The following TK2 variants were observed in gnomAD, a reference collection of about 807,000 sequenced individuals.
TK2 encodes thymidine kinase 2, mitochondrial.
In TK2, 35 loss-of-function variants were observed where a neutral mutation model predicts 41.9. The ratio of observed to expected loss-of-function variants is 0.84; its 90% CI spans 0.64 to 1.11. The LOEUF (loss-of-function observed/expected upper bound fraction) is 1.11, where lower values mean the gene tolerates loss of function less well. Among genes scored for constraint, TK2 ranks in the 50% least tolerant of loss-of-function variants. TK2 has a pLI of 0.00. For missense variants in TK2, 320 were observed against 351.1 expected (o/e 0.91, Z 0.71); for synonymous variants, 128 against 129.1 (o/e 0.99, Z 0.06).
At chr16:66,518,927 G>C (rs1020522675) in intron 6 of TK2, among the ~76,000 whole-genome samples, 27 of 151,884 alleles carry the variant, frequency 1.8e-4, no homozygotes, top group African/African-American at 6.5e-4. Flanking sequence ...AGTGGGAGTT[G>C]GGGAGCATTA....
chr16:66,531,205 G>A (rs1319345222), intron 5 of TK2, among the ~76,000 whole-genome samples, 175 bp downstream of exon 5: 2 of 152,226 alleles, frequency 1.3e-5, no homozygotes, highest in Non-Finnish European at 2.9e-5. Context: ...GGGGGCACTA[G>A]AGGCAGGTCA....
chr16:66,511,989 C>A lies in TK2; in HGVS notation c.777G>T (p.Glu259Asp). The change falls in exon 10 of 10, where the codon GAG (glutamate) becomes GAT (aspartate). Residue 259 changes from glutamate to aspartate, a missense_variant. Physicochemically the swap from Glu to Asp is conservative, Grantham distance 45. Coordinates refer to ENST00000544898, the MANE Select transcript of TK2 (RefSeq NM_004614.5). ...EQNRDRILTP[E>D]NRKHCP ...CCTCCTATGGGCAATGCTTCCGATT[C>A]TCTGGAGTTAATATTCGATCCCGAT... 6.2e-7 allele frequency: 1 copy of A among 1,614,218 alleles called. No homozygotes were observed. Among genetic ancestry groups the A allele is most frequent in the Middle Eastern group, 1.6e-4 (1 of 6,062 alleles).
chr16:66,540,611 A>G (rs1965430819), intron 3 of TK2, among the ~76,000 whole-genome samples: 1 of 152,272 alleles, frequency 6.6e-6, no homozygotes, highest in Admixed American at 6.5e-5. Flanking sequence ...ACTAAAATCT[A>G]GAACAAGGAA....
intron 5 of TK2, among the ~76,000 whole-genome samples, chr16:66,530,469 G>T (rs1312459736): frequency 6.6e-6 from 1 of 152,198 alleles, no homozygotes; most frequent in Non-Finnish European, 1.5e-5. Context: ...TTGGGGTCCT[G>T]TCCCCAACAC....
At chr16:66,531,563 A>G in intron 4 of TK2, 94 bp from the exon 5 acceptor site, 1 of 1,214,768 alleles carries the variant, frequency 8.2e-7, no homozygotes, top group Non-Finnish European at 1.2e-6. Flanking sequence ...CAAGAAACCT[A>G]CACAGGCAGG....
intron 3 of TK2, 29 bp from the exon 4 acceptor site, chr16:66,537,046 T>C (rs370343284): frequency 2.7e-5 from 43 of 1,613,208 alleles, no homozygotes; most frequent in Non-Finnish European, 3.5e-5. Context: ...TCAGAGCTAC[T>C]GTTTCTCTGT....
At chr16:66,540,457 GCCA>G (rs1965425724) in intron 3 of TK2, among the ~76,000 whole-genome samples, 1 of 152,032 alleles carries the variant, frequency 6.6e-6, no homozygotes, top group African/African-American at 2.4e-5. Context: ...ACAGGCATCA[GCCA>G]CCACACCTGG....
intron 3 of TK2, among the ~76,000 whole-genome samples, chr16:66,539,757 G>A (rs577454092): frequency 1.8e-4 from 27 of 152,280 alleles, no homozygotes; most frequent in African/African-American, 5.3e-4. Flanking sequence ...CAGGCAACAA[G>A]ATGTGACAAT....
At chr16:66,548,953 G>C (rs200322538) in intron 2 of TK2, 25 bp downstream of exon 2, 196 of 1,604,734 alleles carry the variant, frequency 1.2e-4, no homozygotes, top group Non-Finnish European at 1.5e-4. Flanking sequence ...TTATCCTAGA[G>C]AGTACACATA....
At chr16:66,533,785 A>G (rs915265785) in intron 4 of TK2, among the ~76,000 whole-genome samples, 1 of 151,954 alleles carries the variant, frequency 6.6e-6, no homozygotes, top group Admixed American at 6.6e-5. Flanking sequence ...AGGTGCGCGG[A>G]TCACGAGGTC....
intron 8 of TK2, among the ~76,000 whole-genome samples, chr16:66,516,698 C>T (rs1964625033): frequency 2.0e-5 from 3 of 152,140 alleles, no homozygotes; most frequent in Admixed American, 1.3e-4. Context: ...GCATGAGCAC[C>T]GCCTCCGTGC....
At chr16:66,522,967 G>A (rs1045267956) in intron 6 of TK2, among the ~76,000 whole-genome samples, 17 of 152,214 alleles carry the variant, frequency 1.1e-4, no homozygotes, top group Non-Finnish European at 1.9e-4. Flanking sequence ...TGGCATAACT[G>A]CAGTTACATT....
upstream of TK2, chr16:66,550,140 G>C (rs761645441): frequency 1.9e-5 from 30 of 1,612,432 alleles, no homozygotes; most frequent in East Asian, 6.2e-4. Context: ...CAGCCGTTGG[G>C]CGCCGCCTGG....
Position 66,511,364 on chromosome 16 carries a change from T to A in TK2, c.*604A>T, listed in dbSNP as rs995825384. On this transcript the variant is annotated 3_prime_UTR_variant, in exon 10 of 10. Transcript: ENST00000544898. ...GAACTGCTCAATATTGGGAAAATGT[T>A]ATCAGCTCCGCACACTGCCAGCTCT... The A allele has an allele frequency of 6.0e-6, 1 of 166,324 alleles. No homozygotes were observed. Among genetic ancestry groups the A allele is most frequent in the Admixed American group, 5.6e-5 (1 of 17,840 alleles). 10.3% of individuals were successfully genotyped at this position (166,324 alleles called of 1,614,324 possible).
Position 66,517,374 on chromosome 16 carries a change from T to C in TK2, c.539-159A>G, listed in dbSNP as rs1350073320. 2 of 751,362 alleles carry C rather than the reference T, an allele frequency of 2.7e-6. No homozygotes were observed. Among genetic ancestry groups the C allele is most frequent in the East Asian group, 2.5e-5 (1 of 40,198 alleles). 46.5% of individuals were successfully genotyped at this position (751,362 alleles called of 1,614,324 possible). ...CACTGACCCTCCGCCTCGACTTTCA[T>C]TCTCTTTCAGTGTCAGCGGCCCCGT... On this transcript the variant is annotated intron_variant, in intron 7 of 9. Coordinates refer to ENST00000544898, the MANE Select transcript of TK2 (RefSeq NM_004614.5). The surrounding 1 kb of genome is among the most constrained non-coding windows in gnomAD (Gnocchi z 4.3).
At position 66,549,026 on chromosome 16, in the gene TK2, A is replaced by G. The variant is rs775053744; in HGVS notation, c.125-17T>C. The G allele has an allele frequency of 1.2e-6, 2 of 1,613,578 alleles. No individual in the cohort carries two copies. Among genetic ancestry groups the G allele is most frequent in the East Asian group, 2.2e-5 (1 of 44,850 alleles). On this transcript the variant is annotated splice_polypyrimidine_tract_variant and intron_variant, in intron 1 of 9. Transcript: ENST00000544898. Reference sequence around the variant, plus strand: ...GTTCTTTATCTACAAAAGAAAGGAAATCAGTTTTTAAACTCACTTTTAAAT... The same window carrying G: ...GTTCTTTATCTACAAAAGAAAGGAAGTCAGTTTTTAAACTCACTTTTAAAT...
intron 2 of TK2, among the ~76,000 whole-genome samples, chr16:66,543,891 A>C (rs1298352901): frequency 6.6e-6 from 1 of 152,164 alleles, no homozygotes; most frequent in African/African-American, 2.4e-5. Flanking sequence ...ACTCCTTTAG[A>C]GCCCCAAACT....
chr16:66,517,116 A>T lies in TK2; in HGVS notation c.618+20T>A, dbSNP rs373570034. On this transcript the variant is annotated intron_variant, in intron 8 of 9. Transcript: ENST00000544898. This position sits in a 1 kb window ranked among gnomAD's most constrained non-coding sequence, Gnocchi z 4.3. The stretch of plus-strand genomic sequence containing the variant: ...GTGGTTTCCCAGTTTGTCTTTAACC[A>T]AGTCAAAGAGGCCTCTTACCAGCGG... 9.9e-6 allele frequency: 16 copies of T among 1,610,380 alleles called. No individual in the cohort carries two copies. The highest frequency in any genetic ancestry group is 1.4e-5 in the Non-Finnish European group (16 of 1,176,716).
intron 2 of TK2, among the ~76,000 whole-genome samples, chr16:66,543,574 T>C (rs1965520199): frequency 6.6e-6 from 1 of 152,084 alleles, no homozygotes; most frequent in African/African-American, 2.4e-5. Flanking sequence ...GCCTGTTCCT[T>C]TGCACTCAGG....
Sources: gnomAD v4.1 joint callset for allele counts (sites outside exome capture counted in the v4.1 genomes callset) on GRCh38, gnomAD v4.1.1 for gene constraint, Gnocchi (gnomAD v3.1) non-coding constraint, MANE v1.5 for transcripts, NCBI Gene and HGNC (gene_info 2026-07-23, HGNC 2026-07-21) for gene names.